ZNF793: variants seen among roughly 807,000 people sequenced by gnomAD.
ZNF793 encodes zinc finger protein 793.
A neutral mutation model predicts 12.4 loss-of-function variants in ZNF793; 5 were observed. The ratio of observed to expected loss-of-function variants is 0.40; its 90% confidence interval spans 0.21 to 0.84. ZNF793 has a LOEUF of 0.84. ZNF793 is among the 40% of genes least tolerant of loss of function. The probability of loss-of-function intolerance (pLI) is 0.35; values close to 1 mark genes in which losing one functional copy is unlikely to be tolerated. For missense variants in ZNF793, 456 were observed against 495.0 expected, an observed-to-expected ratio of 0.92 and a Z score of 0.75; for synonymous variants, 162 against 172.4, an observed-to-expected ratio of 0.94 and a Z score of 0.47.
intron 2 of ZNF793, among the ~76,000 whole-genome samples, chr19:37,516,941 C>T (rs372683502): frequency 5.6e-4 from 86 of 152,276 alleles, no homozygotes; most frequent in African/African-American, 1.6e-3. Flanking sequence ...CCACTGTGCC[C>T]GGCCTGAGAT....
chr19:37,515,729 GA>G (rs2042326948), intron 2 of ZNF793, among the ~76,000 whole-genome samples: 1 of 152,198 alleles, frequency 6.6e-6, no homozygotes, highest in African/African-American at 2.4e-5. Context: ...GTACCTGTGT[GA>G]AAGCATAAAA....
intron 2 of ZNF793, among the ~76,000 whole-genome samples, chr19:37,516,211 T>C (rs752473568): frequency 2.0e-5 from 3 of 152,210 alleles, no homozygotes; most frequent in Non-Finnish European, 2.9e-5. Context: ...CTCGGCTCAC[T>C]GCAACCTCCA....
At chr19:37,536,869 T>G (rs2042508828) in intron 7 of ZNF793, 28 bp from the exon 8 acceptor site, 1 of 1,562,336 alleles carries the variant, frequency 6.4e-7, no homozygotes, top group African/African-American at 1.4e-5. Context: ...TGAAGTTTCA[T>G]AAGGATGATT....
At position 37,540,680 on chromosome 19, in the gene ZNF793, A is replaced by G. The variant is rs1257127377; in HGVS notation, c.*2801A>G. The G allele has an allele frequency of 6.6e-6, 1 of 152,104 alleles. No individual in the cohort carries two copies. Among genetic ancestry groups the G allele is most frequent in the Non-Finnish European group, 1.5e-5 (1 of 68,012 alleles). 9.4% of individuals were successfully genotyped at this position (152,104 alleles called of 1,614,324 possible). On this transcript the variant is annotated 3_prime_UTR_variant, in exon 8 of 8. Transcript: ENST00000627814. ...AGGCAATAAAAAGAAATGAATTGGT[A>G]TAAACAGCAGAAAAGGTAAAACTAT...
chr19:37,517,349 G>A (rs959832665), intron 2 of ZNF793, among the ~76,000 whole-genome samples: 1 of 151,690 alleles, frequency 6.6e-6, no homozygotes, highest in Non-Finnish European at 1.5e-5. Flanking sequence ...CCAGCTACTT[G>A]GGAGGCTCAG....
chr19:37,516,942 G>A (rs1316194943), intron 2 of ZNF793, among the ~76,000 whole-genome samples: 2 of 152,136 alleles, frequency 1.3e-5, no homozygotes, highest in African/African-American at 2.4e-5. Flanking sequence ...CACTGTGCCC[G>A]GCCTGAGATT....
chr19:37,535,388 C>T (rs948669934), intron 7 of ZNF793: 2 of 152,120 alleles, frequency 1.3e-5, no homozygotes, highest in African/African-American at 4.8e-5. Context: ...ATTTTTGTGC[C>T]ATGGACTTCT....
chr19:37,515,778 T>C (rs2042327410), intron 2 of ZNF793, among the ~76,000 whole-genome samples: 1 of 152,192 alleles, frequency 6.6e-6, no homozygotes. Flanking sequence ...CTTGAATAAA[T>C]ATTGAAGCCT....
chr19:37,522,143 A>T (rs1048992306), intron 3 of ZNF793, among the ~76,000 whole-genome samples: 12 of 152,204 alleles, frequency 7.9e-5, no homozygotes, highest in Admixed American at 7.9e-4. Flanking sequence ...AGATTAATCC[A>T]GTCTACAATC....
At chr19:37,529,364 T>C (rs1310282118) in intron 5 of ZNF793, among the ~76,000 whole-genome samples, 1 of 152,112 alleles carries the variant, frequency 6.6e-6, no homozygotes, top group Non-Finnish European at 1.5e-5. Flanking sequence ...TCCTCTCACG[T>C]CCCTCCAGGT....
chr19:37,514,451 GA>G (rs2042315129), intron 2 of ZNF793, among the ~76,000 whole-genome samples: 1 of 152,138 alleles, frequency 6.6e-6, no homozygotes, highest in Non-Finnish European at 1.5e-5. Flanking sequence ...AGCTACTTGG[GA>G]GGCTGAGGTG....
rs1424604937 is a variant in ZNF793, at chr19:37,540,262, C to G, written c.*2383C>G. ...AGCCTGGGTGACAAGAGCGAAACTC[C>G]GTCAAAAAAAAAAAAAAAAAAAGAA... On this transcript the variant is annotated 3_prime_UTR_variant, in exon 8 of 8. Transcript: ENST00000627814. 2.6e-4 allele frequency: 14 copies of G among 54,798 alleles called. No individual in the cohort carries two copies. Among genetic ancestry groups the G allele is most frequent in the African/African-American group, 1.5e-3 (14 of 9,396 alleles). The allele number at this position is 54,798 out of a possible 1,614,324, so 3.4% of individuals were successfully genotyped here.
intron 5 of ZNF793, among the ~76,000 whole-genome samples, chr19:37,524,323 C>G (rs2042397537): frequency 1.3e-5 from 2 of 151,858 alleles, no homozygotes; most frequent in Admixed American, 1.3e-4. Context: ...TACTTAAAAC[C>G]ATACCATTTT....
At chr19:37,533,527 T>C in intron 7 of ZNF793, 124 bp downstream of exon 7, 1 of 757,438 alleles carries the variant, frequency 1.3e-6, no homozygotes, top group Non-Finnish European at 2.2e-6. Flanking sequence ...TTAATGACTC[T>C]TCAACCTCCA....
chr19:37,529,613 C>T (rs971190185), intron 5 of ZNF793, among the ~76,000 whole-genome samples: 2 of 152,184 alleles, frequency 1.3e-5, no homozygotes, highest in African/African-American at 4.8e-5. Flanking sequence ...CTGCCTCAGC[C>T]TCCTGCGTAG....
At chr19:37,536,707 C>G (rs1270356941) in intron 7 of ZNF793, 190 bp from the exon 8 acceptor site, 2 of 620,732 alleles carry the variant, frequency 3.2e-6, no homozygotes. Context: ...TCTCTATACT[C>G]TATGATATAT....
intron 5 of ZNF793, among the ~76,000 whole-genome samples, chr19:37,525,668 G>A (rs1333418906): frequency 1.3e-5 from 2 of 151,576 alleles, no homozygotes; most frequent in Non-Finnish European, 2.9e-5. Context: ...TGATCCACCT[G>A]CCTCGGCCTC....
rs554559038 is a variant in ZNF793 at position 37,519,158 on chromosome 19, C to G, written c.-275-1026C>G. Among the ~76,000 whole-genome samples, 80 of 151,926 alleles carry G rather than the reference C, an allele frequency of 5.3e-4. 3 individuals are homozygous for G. Among genetic ancestry groups the G allele is most frequent in the Admixed American group, 2.0e-4 (3 of 15,244 alleles). ...GCAGGTGCCTGTAGTCCCAGCTACT[C>G]GGGAGGCTGAGGCAGGAGAATGGCG... On this transcript the variant is annotated intron_variant, in intron 2 of 7. Transcript: ENST00000627814.
At chr19:37,534,795 C>T (rs1170437741) in intron 7 of ZNF793, 2 of 151,962 alleles carry the variant, frequency 1.3e-5, no homozygotes, top group Admixed American at 6.6e-5. Context: ...GATCCTCCCA[C>T]CTCTTAACCT....
Sources: gnomAD v4.1 joint callset for allele counts (sites outside exome capture counted in the v4.1 genomes callset) on GRCh38, gnomAD v4.1.1 for gene constraint, MANE v1.5 for transcripts, NCBI Gene and HGNC (gene_info 2026-07-23, HGNC 2026-07-21) for gene names.